TPGS2: variants seen among roughly 807,000 people sequenced by gnomAD.
TPGS2 encodes polyglutamylase subunit 2.
Under a neutral mutation model 31.1 loss-of-function variants are expected in TPGS2, and 26 were observed. The observed-to-expected ratio is 0.84, with a 90% confidence interval of 0.61 to 1.16. The LOEUF is 1.16. TPGS2 is among the 50% of genes most tolerant of loss of function. The pLI is 0.00. For missense variants in TPGS2, 351 were observed against 363.8 expected, an observed-to-expected ratio of 0.96 and a Z score of 0.29; for synonymous variants, 130 against 136.6, an observed-to-expected ratio of 0.95 and a Z score of 0.34.
chr18:36,796,252 A>G lies in TPGS2; in HGVS notation c.*553T>C. 1.0e-6 allele frequency: 1 copy of G among 985,490 alleles called. No homozygotes were observed. The highest frequency in any genetic ancestry group is 1.2e-6 in the Non-Finnish European group (1 of 829,956). The allele number at this position is 985,490 out of a possible 1,614,324, so 61.0% of individuals were successfully genotyped here. ...TTAATTGAGGAAGAGCAGTATGAAA[A>G]TATTCTAATGCAGTGCTGTCCAACA... On this transcript the variant is annotated 3_prime_UTR_variant, in exon 7 of 7. Coordinates refer to ENST00000334295, the MANE Select transcript of TPGS2 (RefSeq NM_015476.4).
At chr18:36,820,503 T>A (rs1147759) in intron 1 of TPGS2, among the ~76,000 whole-genome samples, 59,205 of 151,936 alleles carry the variant, frequency 0.39, 13,091 homozygotes, top group African/African-American at 0.61. Flanking sequence ...GGTGAGGAGG[T>A]GGTGTTGGGG....
At chr18:36,780,516 T>G (rs1169704646), downstream of TPGS2, among the ~76,000 whole-genome samples, 1 of 152,234 alleles carries the variant, frequency 6.6e-6, no homozygotes, top group Non-Finnish European at 1.5e-5. Flanking sequence ...AGTATAGTCA[T>G]GCATCACGTA....
chr18:36,818,332 G>A (rs1251698936), intron 2 of TPGS2, among the ~76,000 whole-genome samples: 1 of 150,846 alleles, frequency 6.6e-6, no homozygotes, highest in African/African-American at 2.4e-5. Flanking sequence ...TAGGCAGTAA[G>A]ATCAAGAGGC....
At chr18:36,788,122 GATATT>G (rs1356814923) in intron 6 of TPGS2, among the ~76,000 whole-genome samples, 1 of 152,154 alleles carries the variant, frequency 6.6e-6, no homozygotes, top group Non-Finnish European at 1.5e-5. Flanking sequence ...TTCTGTTTCT[GATATT>G]ATATTGAAGA....
At chr18:36,826,443 G>GTGC (rs1568036800) in intron 1 of TPGS2, among the ~76,000 whole-genome samples, 1 of 119,320 alleles carries the variant, frequency 8.4e-6, no homozygotes, top group Non-Finnish European at 1.8e-5. Flanking sequence ...TGTGTGTGTG[G>GTGC]ATTCCTTAGG....
In TPGS2 at chr18:36,807,866, T is replaced by A. The variant is rs1224529259; in HGVS notation, c.234A>T (p.Thr78=). The part of the protein sequence containing the change: ...FYLMTNGFHM[T]WSVKLDEHII... ...ACTCACCATCCAGCTTCACACTCCA[T>A]GTCATGTGGAAGCCATTGGTCATCA... is the stretch of plus-strand genomic sequence containing the variant. Residue 78 remains threonine (T), a synonymous_variant, in exon 3 of 7, where the codon ACA becomes ACT. Coordinates refer to ENST00000334295, the MANE Select transcript of TPGS2 (RefSeq NM_015476.4). The A allele has an allele frequency of 2.5e-6, 4 of 1,614,014 alleles. No individual in the cohort carries two copies. Among genetic ancestry groups the A allele is most frequent in the Non-Finnish European group, 3.4e-6 (4 of 1,180,000 alleles).
rs374199777 is a variant in TPGS2, at chr18:36,783,058, C to T, written c.731G>A (p.Arg244Gln). 5.4e-4 allele frequency: 216 copies of T among 398,488 alleles called. 1 individual carries two copies. The highest frequency in any genetic ancestry group is 4.1e-3 in the African/African-American group (198 of 48,732). The allele number at this position is 398,488 out of a possible 1,614,324, so 24.7% of individuals were successfully genotyped here. ...CCGGGAGCTCTAGAACCTTCTGCTC[C>T]GGATTCCTGTTCTTCCTCTTGGATT... The change falls in exon 7 of 7, where the codon CGG becomes CAG. Residue 244 changes from arginine to glutamine, a missense_variant. Arg to Gln is a conservative substitution (Grantham distance 43). Transcript: ENST00000587129.
intron 6 of TPGS2, chr18:36,787,009 C>A: frequency 8.1e-7 from 1 of 1,234,310 alleles, no homozygotes; most frequent in Non-Finnish European, 1.0e-6. Context: ...CCTCAGCTCC[C>A]ATTGGAGGGG....
At position 36,798,604 on chromosome 18, in the gene TPGS2, C is replaced by G; in HGVS notation, c.502G>C (p.Ala168Pro). 6.2e-7 allele frequency: 1 copy of G among 1,613,078 alleles called. No homozygotes were observed. Residue 168 changes from alanine to proline, a missense_variant, in exon 6 of 7, where the codon GCA (alanine) becomes CCA (proline). By Grantham distance (27) the Ala-to-Pro change is conservative. Transcript: ENST00000334295. The stretch of plus-strand genomic sequence containing the variant: ...AGGAACCAGATCTCAGTGTCTTCTG[C>G]TAATGCTGAAGTAGAAGACAAAGGA... ...LVYKSGKPAL[A>P]EDTEIWFLDR...
At chr18:36,823,521 C>A (rs996362822) in intron 1 of TPGS2, among the ~76,000 whole-genome samples, 2 of 133,194 alleles carry the variant, frequency 1.5e-5, no homozygotes, top group Non-Finnish European at 3.1e-5. Context: ...AGTGCAGTGG[C>A]GCGATCTCGG....
chr18:36,796,563 T>G lies in TPGS2; in HGVS notation c.*242A>C. 7.6e-7 allele frequency: 1 copy of G among 1,307,784 alleles called. No individual in the cohort carries two copies. Among genetic ancestry groups the G allele is most frequent in the Non-Finnish European group, 9.7e-7 (1 of 1,034,512 alleles). 81.0% of individuals were successfully genotyped at this position (1,307,784 alleles called of 1,614,324 possible). A position where few individuals can be genotyped will look rare whatever the true frequency, so the allele number is the denominator to read the frequency against. ...AGAAGAGGAAAGCACTCAGACTTATTTGGGCACTTACACAAGATTCCAAAT... is the reference window on the plus strand; with the variant it reads ...AGAAGAGGAAAGCACTCAGACTTATGTGGGCACTTACACAAGATTCCAAAT... On this transcript the variant is annotated 3_prime_UTR_variant, in exon 7 of 7. Coordinates refer to ENST00000334295, the MANE Select transcript of TPGS2 (RefSeq NM_015476.4).
chr18:36,818,943 A>G lies in TPGS2; in HGVS notation c.116T>C (p.Ile39Thr). 1.9e-6 allele frequency: 3 copies of G among 1,613,790 alleles called. No individual in the cohort carries two copies. Among genetic ancestry groups the G allele is most frequent in the Non-Finnish European group, 2.5e-6 (3 of 1,179,774 alleles). Residue 39 changes from isoleucine to threonine, a missense_variant, in exon 2 of 7, where the codon ATC becomes ACC. Physicochemically the swap from Ile to Thr is moderately conservative, Grantham distance 89. Transcript: ENST00000334295. ...ESSPGVTEVT[I>T]IEKPPAERHM... ...ACGTTCAGCAGGAGGCTTTTCTATG[A>G]TGGTCACCTCAGTCACACCTGGGGA...
At chr18:36,797,415 T>C (rs2044583444) in intron 6 of TPGS2, among the ~76,000 whole-genome samples, 1 of 151,598 alleles carries the variant, frequency 6.6e-6, no homozygotes, top group Non-Finnish European at 1.5e-5. Flanking sequence ...CCCCATCAGG[T>C]GGATTCTGGC....
At chr18:36,790,186 A>G (rs752785736), downstream of TPGS2, 1 of 152,240 alleles carries the variant, frequency 6.6e-6, no homozygotes, top group Admixed American at 6.5e-5. Flanking sequence ...AATACATGCC[A>G]TGGCAGAACA....
chr18:36,806,222 G>T (rs1435908152), intron 3 of TPGS2: 3 of 152,230 alleles, frequency 2.0e-5, no homozygotes, highest in African/African-American at 4.8e-5. Flanking sequence ...GACTTAGGCT[G>T]TTCAGTATAT....
At chr18:36,828,387 C>T (rs2046294631) in intron 1 of TPGS2, among the ~76,000 whole-genome samples, 1 of 152,124 alleles carries the variant, frequency 6.6e-6, no homozygotes, top group South Asian at 2.1e-4. Flanking sequence ...CCGTCAGGTG[C>T]TTGCTGTGTT....
At chr18:36,813,966 T>C (rs2045545326) in intron 2 of TPGS2, among the ~76,000 whole-genome samples, 1 of 152,120 alleles carries the variant, frequency 6.6e-6, no homozygotes, top group Non-Finnish European at 1.5e-5. Flanking sequence ...GTGGGGCGTG[T>C]AACAAACAGA....
intron 4 of TPGS2, 55 bp downstream of exon 4, chr18:36,805,319 C>A: frequency 6.3e-7 from 1 of 1,596,234 alleles, no homozygotes; most frequent in Non-Finnish European, 8.6e-7. Context: ...CTACTATGCG[C>A]CAGGCATGGA....
Position 36,797,022 on chromosome 18 carries a change from G to GTGA in TPGS2, c.683_685dup (p.Ile228dup), listed in dbSNP as rs748487786. On this transcript the variant is annotated inframe_insertion, in exon 7 of 7. Transcript: ENST00000334295. ...TTCTGTGAGCAGGTTTGTGTTGTAG[G>GTGA]TGATAGGTTTATACATGCTGAACCA... 2 of 1,597,970 alleles carry GTGA rather than the reference G, an allele frequency of 1.3e-6. No homozygotes were observed. The highest frequency in any genetic ancestry group is 2.2e-5 in the East Asian group (1 of 44,738).
Sources: allele counts gnomAD v4.1 joint callset (sites outside exome capture counted in the v4.1 genomes callset), GRCh38; gene constraint gnomAD v4.1.1; transcripts MANE v1.5; gene names NCBI Gene and HGNC (gene_info 2026-07-23, HGNC 2026-07-21).